Variants in PRELID2 observed in about 807,000 individuals in gnomAD.
The protein encoded by PRELID2 is PRELI domain containing 2, also known as PRELI domain-containing protein 2.
Under a neutral mutation model 28.4 loss-of-function variants are expected in PRELID2, and 25 were observed. That is an observed-to-expected ratio of 0.88 (90% confidence interval 0.64 to 1.23). PRELID2 has a LOEUF of 1.23. Ranked by LOEUF, PRELID2 falls within the 50% of genes most tolerant of loss-of-function variation. The probability of loss-of-function intolerance (pLI) is 0.00; values close to 1 mark genes in which losing one functional copy is unlikely to be tolerated. For missense variants in PRELID2, 201 were observed against 214.4 expected, an observed-to-expected ratio of 0.94 and a Z score of 0.39; for synonymous variants, 76 against 71.6, an observed-to-expected ratio of 1.06 and a Z score of -0.31.
the PRELID2 span, among the ~76,000 whole-genome samples, chr5:145,356,381 C>T: frequency 2.6e-5 from 4 of 151,762 alleles, no homozygotes; most frequent in East Asian, 1.9e-4. Context: ...AATAATATCC[C>T]GCTATTATTG....
intron 1 of PRELID2, among the ~76,000 whole-genome samples, chr5:145,618,499 TG>T (rs1203446073): frequency 1.3e-5 from 2 of 152,220 alleles, no homozygotes; most frequent in African/African-American, 4.8e-5. Context: ...AGGCTGGTAC[TG>T]GGGCTTATCT....
chr5:145,691,090 C>G (rs1755140318), intron 1 of PRELID2, among the ~76,000 whole-genome samples: 1 of 152,130 alleles, frequency 6.6e-6, no homozygotes, highest in South Asian at 2.1e-4. Flanking sequence ...TTATAATAAT[C>G]TTGTCAACTC....
intron 1 of PRELID2, among the ~76,000 whole-genome samples, chr5:145,515,884 A>G (rs560818701): frequency 6.6e-6 from 1 of 152,244 alleles, no homozygotes; most frequent in Non-Finnish European, 1.5e-5. Flanking sequence ...AACCAATGAC[A>G]AAAACCACAT....
At chr5:145,271,613 G>C in the PRELID2 span, among the ~76,000 whole-genome samples, 1 of 152,112 alleles carries the variant, frequency 6.6e-6, no homozygotes, top group Non-Finnish European at 1.5e-5. Context: ...TAAATGAAGA[G>C]GTGTGTATTA....
At chr5:145,366,948 C>A in the PRELID2 span, among the ~76,000 whole-genome samples, 8 of 151,838 alleles carry the variant, frequency 5.3e-5, no homozygotes, top group Non-Finnish European at 1.0e-4. Context: ...CTTCTAAAAG[C>A]CATCAATAGG....
chr5:145,565,870 G>C lies in PRELID2; in HGVS notation n.71-92555C>G, dbSNP rs548731892. Among the ~76,000 whole-genome samples the C allele has an allele frequency of 2.0e-5, 3 of 152,266 alleles. No individual in the cohort carries two copies. The East Asian group carries it at 5.8e-4, about 29-fold the overall frequency. ...TTTAAGTTTCATTGGCTCATGTGAG[G>C]CCATATGTTCATTTCTAAAATAATC... On this transcript the variant is annotated intron_variant and non_coding_transcript_variant, in intron 1 of 2. Transcript: ENST00000510259.
chr5:145,705,712 C>T (rs1309362006), intron 1 of PRELID2, among the ~76,000 whole-genome samples: 1 of 152,152 alleles, frequency 6.6e-6, no homozygotes, highest in Non-Finnish European at 1.5e-5. Flanking sequence ...ATCCATTTTA[C>T]TGTTGTTTTG....
chr5:145,699,300 G>A (rs1213505062), intron 1 of PRELID2, among the ~76,000 whole-genome samples: 6 of 152,042 alleles, frequency 3.9e-5, no homozygotes, highest in Admixed American at 6.6e-5. Flanking sequence ...ATGTCAGAAC[G>A]CTGAGGATTT....
chr5:145,242,508 A>G, the PRELID2 span, among the ~76,000 whole-genome samples: 59 of 152,174 alleles, frequency 3.9e-4, no homozygotes, highest in Admixed American at 3.6e-3. Flanking sequence ...GGTTATCCGG[A>G]TAGTGCTACA....
chr5:145,570,699 T>A (rs913539471), intron 1 of PRELID2, among the ~76,000 whole-genome samples: 6 of 152,210 alleles, frequency 3.9e-5, no homozygotes, highest in Non-Finnish European at 8.8e-5. Context: ...GCTATCACTA[T>A]CTGTTTCATG....
At chr5:145,390,420 T>C in the PRELID2 span, among the ~76,000 whole-genome samples, 1 of 152,072 alleles carries the variant, frequency 6.6e-6, no homozygotes, top group Admixed American at 6.5e-5. Flanking sequence ...CAAACATACC[T>C]CTCTTCACAA....
chr5:145,733,747 C>A lies in PRELID2; in HGVS notation n.70+31184G>T, dbSNP rs1402247772. Among the ~76,000 whole-genome samples the A allele has an allele frequency of 2.0e-5, 3 of 152,194 alleles. No homozygotes were observed. In the South Asian group the frequency reaches 6.2e-4, roughly 32 times the overall value. On this transcript the variant is annotated intron_variant and non_coding_transcript_variant, in intron 1 of 2. Coordinates refer to the PRELID2 transcript ENST00000510259. ...TTCATAAAAATATCCTCTGTCTCCT[C>A]TCAAATGTCACCAGTTGTGGTGAGC...
At chr5:145,445,016 A>G in the PRELID2 span, among the ~76,000 whole-genome samples, 5 of 152,122 alleles carry the variant, frequency 3.3e-5, no homozygotes, top group African/African-American at 9.6e-5. Flanking sequence ...CTTCACAGAA[A>G]TAGATTTTTA....
intron 1 of PRELID2, among the ~76,000 whole-genome samples, chr5:145,568,168 G>A (rs10062531): frequency 0.17 from 25,466 of 152,056 alleles, 3,535 homozygotes; most frequent in African/African-American, 0.36. Context: ...TCCTAAACTC[G>A]CCAATCAAAC....
chr5:145,636,827 C>T (rs1442851162), intron 1 of PRELID2, among the ~76,000 whole-genome samples: 1 of 152,168 alleles, frequency 6.6e-6, no homozygotes, highest in Non-Finnish European at 1.5e-5. Context: ...GTGATCAAAC[C>T]GTAGCCTTAG....
chr5:145,403,751 T>C, the PRELID2 span, among the ~76,000 whole-genome samples: 8 of 152,320 alleles, frequency 5.3e-5, no homozygotes, highest in African/African-American at 1.9e-4. Flanking sequence ...GTCAGCAGGA[T>C]TGGGTACATC....
chr5:145,417,920 T>G, the PRELID2 span, among the ~76,000 whole-genome samples: 1 of 152,102 alleles, frequency 6.6e-6, no homozygotes, highest in Non-Finnish European at 1.5e-5. Flanking sequence ...GAGAAAGAAA[T>G]AAAGGGTATT....
the PRELID2 span, among the ~76,000 whole-genome samples, chr5:145,316,469 C>G: frequency 1.3e-5 from 2 of 152,222 alleles, no homozygotes; most frequent in African/African-American, 2.4e-5. Flanking sequence ...ATAATCAATC[C>G]CTCAGTCATA....
At chr5:145,629,566 A>C (rs1023273549) in intron 1 of PRELID2, among the ~76,000 whole-genome samples, 1 of 152,194 alleles carries the variant, frequency 6.6e-6, no homozygotes, top group African/African-American at 2.4e-5. Context: ...AATGATGATA[A>C]TAACAATTAT....
Sources: gnomAD v4.1 joint callset for allele counts (sites outside exome capture counted in the v4.1 genomes callset) on GRCh38, gnomAD v4.1.1 for gene constraint, MANE v1.5 for transcripts, NCBI Gene and HGNC (gene_info 2026-07-23, HGNC 2026-07-21) for gene names.